Variants in RAPGEF6 observed in about 807,000 individuals in gnomAD.
The protein encoded by RAPGEF6 is Rap guanine nucleotide exchange factor 6.
In RAPGEF6, 56 loss-of-function variants were observed where a neutral mutation model predicts 171.4. The observed-to-expected ratio is 0.33, with a 90% CI of 0.26 to 0.41. The LOEUF is 0.41. Ranked by LOEUF, RAPGEF6 falls within the 10% of genes least tolerant of loss-of-function variation. RAPGEF6 has a pLI of 1.00. For synonymous variants in RAPGEF6, 692 were observed against 650.1 expected (o/e 1.06, Z -0.98); for missense variants, 1,674 against 1,921.4 (o/e 0.87, Z 2.41).
chr5:131,534,427 G>T (rs1440628262), intron 6 of RAPGEF6, among the ~76,000 whole-genome samples: 4 of 152,042 alleles, frequency 2.6e-5, no homozygotes, highest in Non-Finnish European at 4.4e-5. Context: ...TAATTATTTA[G>T]ATTTTCATAA....
chr5:131,498,293 G>A (rs1321267948), intron 12 of RAPGEF6, 150 bp downstream of exon 12: 2 of 709,404 alleles, frequency 2.8e-6, no homozygotes, highest in Non-Finnish European at 4.4e-6. Flanking sequence ...AAAGTAAGCA[G>A]AGAATGTTTA....
intron 4 of RAPGEF6, among the ~76,000 whole-genome samples, chr5:131,563,269 CAAAAT>C (rs1343866763): frequency 1.3e-5 from 2 of 151,512 alleles, no homozygotes; most frequent in Non-Finnish European, 2.9e-5. Context: ...TCAAACAAAA[CAAAAT>C]ACCAAAAAAC....
At chr5:131,435,754 C>T (rs976760796) in intron 24 of RAPGEF6, 2 of 1,116,264 alleles carry the variant, frequency 1.8e-6, no homozygotes, top group African/African-American at 3.2e-5. Flanking sequence ...AAGTCAACTA[C>T]AGAAAACAAG....
intron 14 of RAPGEF6, among the ~76,000 whole-genome samples, chr5:131,490,878 G>T (rs982468984): frequency 6.6e-6 from 1 of 152,186 alleles, no homozygotes; most frequent in Non-Finnish European, 1.5e-5. Flanking sequence ...CTAAATGCTT[G>T]TTTAAAAGCT....
At chr5:131,597,042 A>T (rs769190551) in intron 3 of RAPGEF6, among the ~76,000 whole-genome samples, 1 of 152,148 alleles carries the variant, frequency 6.6e-6, no homozygotes, top group Non-Finnish European at 1.5e-5. Flanking sequence ...GCAAAAAAAA[A>T]CTGATTAAAA....
intron 4 of RAPGEF6, among the ~76,000 whole-genome samples, chr5:131,575,111 C>T (rs1369223546): frequency 5.9e-5 from 9 of 152,232 alleles, no homozygotes; most frequent in Admixed American, 2.0e-4. Context: ...ATTCTGTCCT[C>T]GACCTCAAAG....
At chr5:131,617,126 A>C (rs1765313295) in intron 1 of RAPGEF6, among the ~76,000 whole-genome samples, 1 of 152,192 alleles carries the variant, frequency 6.6e-6, no homozygotes. Context: ...AATCTTCTAC[A>C]AATCATTTGG....
intron 17 of RAPGEF6, among the ~76,000 whole-genome samples, chr5:131,466,282 TC>T (rs1754335942): frequency 6.6e-6 from 1 of 151,790 alleles, no homozygotes; most frequent in Non-Finnish European, 1.5e-5. Flanking sequence ...AAACTCTCTT[TC>T]CTCAATGTAT....
intron 7 of RAPGEF6, among the ~76,000 whole-genome samples, chr5:131,514,447 G>A (rs1264242762): frequency 2.0e-5 from 3 of 151,922 alleles, no homozygotes; most frequent in Non-Finnish European, 4.4e-5. Context: ...TATCCACAAT[G>A]TTCAGCATAC....
At chr5:131,600,550 AAGGGAGGGAGGG>A (rs1158425803) in intron 3 of RAPGEF6, among the ~76,000 whole-genome samples, 2 of 121,562 alleles carry the variant, frequency 1.6e-5, no homozygotes, top group African/African-American at 6.5e-5. Flanking sequence ...GGAAGGAAGG[AAGGGAGGGAGGG>A]AGGGAGGGAA....
intron 24 of RAPGEF6, among the ~76,000 whole-genome samples, chr5:131,438,282 T>A (rs1425703792): frequency 6.6e-6 from 1 of 152,252 alleles, no homozygotes; most frequent in Non-Finnish European, 1.5e-5. Context: ...AGAGGAAACC[T>A]GACCGTATAA....
intron 21 of RAPGEF6, among the ~76,000 whole-genome samples, chr5:131,450,824 T>C (rs1326584234): frequency 6.6e-6 from 1 of 152,216 alleles, no homozygotes; most frequent in Non-Finnish European, 1.5e-5. Flanking sequence ...TTTTTTATTT[T>C]CCCCCAATAC....
At chr5:131,582,605 T>C (rs750714070) in intron 4 of RAPGEF6, among the ~76,000 whole-genome samples, 2 of 152,166 alleles carry the variant, frequency 1.3e-5, no homozygotes, top group African/African-American at 4.8e-5. Flanking sequence ...AAACTTAACA[T>C]CAAAATTAAG....
intron 5 of RAPGEF6, 95 bp downstream of exon 5, chr5:131,561,883 A>G: frequency 2.3e-6 from 2 of 886,690 alleles, no homozygotes; most frequent in Non-Finnish European, 3.6e-6. Context: ...AAAAGGTCAT[A>G]GTAATAAAAC....
intron 26 of RAPGEF6, among the ~76,000 whole-genome samples, chr5:131,429,791 C>T (rs1580811617): frequency 6.6e-6 from 1 of 152,104 alleles, no homozygotes; most frequent in Non-Finnish European, 1.5e-5. Flanking sequence ...CGGTGGTTCA[C>T]GCCTGTAATC....
intron 1 of RAPGEF6, among the ~76,000 whole-genome samples, chr5:131,633,150 G>A (rs1044294920): frequency 1.1e-4 from 16 of 151,938 alleles, no homozygotes; most frequent in Non-Finnish European, 1.5e-5. Flanking sequence ...TGGCCAACAT[G>A]GTGAAATCCC....
chr5:131,497,963 G>A (rs912382155), intron 12 of RAPGEF6, among the ~76,000 whole-genome samples: 1 of 152,110 alleles, frequency 6.6e-6, no homozygotes, highest in Non-Finnish European at 1.5e-5. Flanking sequence ...TAAGTCACAG[G>A]AGAGACATAT....
chr5:131,512,214 CAAGCAAGGAAAAAT>C (rs1757780192), intron 7 of RAPGEF6, among the ~76,000 whole-genome samples: 2 of 152,016 alleles, frequency 1.3e-5, no homozygotes, highest in South Asian at 4.2e-4. Flanking sequence ...ACAAAGCAAG[CAAGCAAGGAAAAAT>C]AAGCAAGCCG....
At chr5:131,450,187 T>A in intron 21 of RAPGEF6, 1 of 896,092 alleles carries the variant, frequency 1.1e-6, no homozygotes, top group Non-Finnish European at 1.7e-6. Flanking sequence ...AGCTTAACAG[T>A]AAAATGACTT....
Sources: gnomAD v4.1 joint callset for allele counts (sites outside exome capture counted in the v4.1 genomes callset) on GRCh38, gnomAD v4.1.1 for gene constraint, MANE v1.5 for transcripts, NCBI Gene and HGNC (gene_info 2026-07-23, HGNC 2026-07-21) for gene names.